The following GNE variants were observed in gnomAD, a reference collection of about 807,000 sequenced individuals.
GNE encodes the protein glucosamine (UDP-N-acetyl)-2-epimerase/N-acetylmannosamine kinase, also known as bifunctional UDP-N-acetylglucosamine 2-epimerase/N-acetylmannosamine kinase.
A neutral mutation model predicts 61.8 loss-of-function variants in GNE; 41 were observed. The ratio of observed to expected loss-of-function variants is 0.66; its 90% CI spans 0.52 to 0.86. The LOEUF (loss-of-function observed/expected upper bound fraction) is 0.86. GNE is among the 40% of genes least tolerant of loss of function. The pLI, the probability that GNE is intolerant of heterozygous loss-of-function variation, is 0.00. For synonymous variants in GNE, 264 were observed against 326.4 expected (o/e 0.81, Z 2.06); for missense variants, 608 against 909.1 (o/e 0.67, Z 4.26).
At chr9:36,250,240 T>C (rs1334547373) in intron 1 of GNE, among the ~76,000 whole-genome samples, 1 of 152,178 alleles carries the variant, frequency 6.6e-6, no homozygotes, top group Non-Finnish European at 1.5e-5. Context: ...ATACACTTCC[T>C]AAATACAAGG....
chr9:36,276,799 G>T, intron 1 of GNE: 2 of 945,738 alleles, frequency 2.1e-6, no homozygotes, highest in Non-Finnish European at 1.7e-6. Context: ...TAAAACCAAA[G>T]CTTTCCTCTT....
At chr9:36,275,554 T>C (rs1425585231) in intron 1 of GNE, among the ~76,000 whole-genome samples, 2 of 152,006 alleles carry the variant, frequency 1.3e-5, no homozygotes, top group African/African-American at 2.4e-5. Context: ...ATTAGGCAAA[T>C]GAATGAAATG....
At chr9:36,256,305 T>G (rs1327877022) in intron 1 of GNE, among the ~76,000 whole-genome samples, 1 of 134,968 alleles carries the variant, frequency 7.4e-6, no homozygotes, top group African/African-American at 2.8e-5. Context: ...AGTGCAGTGG[T>G]GCAATCTCGG....
At chr9:36,237,011 G>A (rs1180078731) in intron 3 of GNE, 27 bp from the exon 4 acceptor site, 2 of 1,572,440 alleles carry the variant, frequency 1.3e-6, no homozygotes, top group Admixed American at 3.3e-5. Context: ...AAACCACATT[G>A]CTTCATTAGT....
intron 5 of GNE, among the ~76,000 whole-genome samples, chr9:36,230,331 T>C (rs1034126280): frequency 6.6e-6 from 1 of 152,224 alleles, no homozygotes; most frequent in Non-Finnish European, 1.5e-5. Flanking sequence ...TAGCACACTC[T>C]CCTTGTTTCC....
intron 1 of GNE, chr9:36,265,008 G>C (rs60940517): frequency 7.9e-6 from 2 of 254,574 alleles, no homozygotes; most frequent in South Asian, 5.8e-5. Context: ...GCTTTCGCTC[G>C]TTGTCCACCA....
upstream of GNE, among the ~76,000 whole-genome samples, chr9:36,259,474 A>G (rs901221272): frequency 1.7e-4 from 26 of 152,226 alleles, no homozygotes. Flanking sequence ...CTGTACAGCA[A>G]ATTTCAAATC....
At chr9:36,217,839 TAGAA>T (rs1347264115) in intron 11 of GNE, among the ~76,000 whole-genome samples, 5 of 152,074 alleles carry the variant, frequency 3.3e-5, no homozygotes, top group Non-Finnish European at 7.4e-5. Context: ...AAAAAATGAA[TAGAA>T]AGACTCGAAG....
Position 36,222,940 on chromosome 9 carries a change from T to C in GNE, c.1470A>G (p.Lys490=). 6.2e-7 allele frequency: 1 copy of C among 1,614,176 alleles called. No homozygotes were observed. Among genetic ancestry groups the C allele is most frequent in the Non-Finnish European group, 8.5e-7 (1 of 1,180,038 alleles). The change falls in exon 9 of 12, where the codon AAA becomes AAG. Residue 490 remains lysine (K), a synonymous_variant. Transcript: ENST00000642385. Reference sequence around the variant, plus strand: ...CCACAGAGTTCCACTCTTGGATCAGTTTGGTTGAATGCAGCACAATTCCTT... The same window carrying C: ...CCACAGAGTTCCACTCTTGGATCAGCTTGGTTGAATGCAGCACAATTCCTT... ...PREGIVLHST[K]LIQEWNSVDL...
intron 1 of GNE, among the ~76,000 whole-genome samples, chr9:36,252,964 G>T (rs1563951615): frequency 6.6e-6 from 1 of 152,114 alleles, no homozygotes; most frequent in Non-Finnish European, 1.5e-5. Context: ...TTCAAGAACA[G>T]CCTGGCCAAC....
chr9:36,258,097 G>A (rs999087097), intron 1 of GNE, among the ~76,000 whole-genome samples: 5 of 152,098 alleles, frequency 3.3e-5, no homozygotes, highest in Admixed American at 3.3e-4. Flanking sequence ...GCTCATCAGG[G>A]CCCACCCCGA....
chr9:36,226,247 A>T (rs1442181177), intron 7 of GNE, among the ~76,000 whole-genome samples: 3 of 151,998 alleles, frequency 2.0e-5, no homozygotes, highest in Non-Finnish European at 2.9e-5. Flanking sequence ...ATCTTGGCTC[A>T]CTGTAATCTC....
chr9:36,247,443 C>T (rs1044294879), intron 2 of GNE, among the ~76,000 whole-genome samples: 1 of 152,100 alleles, frequency 6.6e-6, no homozygotes, highest in Admixed American at 6.6e-5. Context: ...AAGAAGCAAC[C>T]AATTTCTTGT....
intron 9 of GNE, among the ~76,000 whole-genome samples, chr9:36,221,408 C>T (rs1322081299): frequency 6.6e-6 from 1 of 152,182 alleles, no homozygotes; most frequent in Non-Finnish European, 1.5e-5. Flanking sequence ...ATATCTGTAT[C>T]AGATGCTGGC....
intron 1 of GNE, among the ~76,000 whole-genome samples, chr9:36,269,996 C>G (rs187156240): frequency 5.3e-5 from 8 of 152,086 alleles, no homozygotes; most frequent in African/African-American, 1.9e-4. Flanking sequence ...GGGTCTTGCT[C>G]TCTAGCCCAG....
intron 1 of GNE, among the ~76,000 whole-genome samples, chr9:36,273,417 A>G (rs1283649147): frequency 6.6e-6 from 1 of 151,794 alleles, no homozygotes; most frequent in Non-Finnish European, 1.5e-5. Context: ...GGGTTTCGAC[A>G]TGTTGGCCAG....
chr9:36,252,921 G>A (rs1830167973), intron 1 of GNE, among the ~76,000 whole-genome samples: 1 of 152,170 alleles, frequency 6.6e-6, no homozygotes, highest in Non-Finnish European at 1.5e-5. Flanking sequence ...CACTTTGGGA[G>A]GCCGAGCTGG....
At chr9:36,229,715 G>A (rs1829053311) in intron 5 of GNE, among the ~76,000 whole-genome samples, 1 of 152,116 alleles carries the variant, frequency 6.6e-6, no homozygotes, top group Admixed American at 6.5e-5. Flanking sequence ...GATGAGAAAA[G>A]ATCACTCATG....
upstream of GNE, among the ~76,000 whole-genome samples, chr9:36,260,082 A>C (rs1002454616): frequency 2.0e-5 from 3 of 152,024 alleles, no homozygotes; most frequent in Non-Finnish European, 4.4e-5. Context: ...AGACTTAATT[A>C]TAGGTTAGAT....
Sources: allele counts gnomAD v4.1 joint callset (sites outside exome capture counted in the v4.1 genomes callset), GRCh38; gene constraint gnomAD v4.1.1; transcripts MANE v1.5; gene names NCBI Gene and HGNC (gene_info 2026-07-23, HGNC 2026-07-21).